PFKFB3: variants seen among roughly 807,000 people sequenced by gnomAD.
PFKFB3 encodes the protein 6-phosphofructo-2-kinase/fructose-2,6-bisphosphatase 3.
PFKFB3 carries 33 observed loss-of-function variants against 68.0 expected under a neutral mutation model. The observed-to-expected ratio is 0.49, with a 90% confidence interval of 0.37 to 0.65. PFKFB3 has a LOEUF of 0.65. Ranked by LOEUF, PFKFB3 falls within the 30% of genes least tolerant of loss-of-function variation. The pLI, the probability that PFKFB3 is intolerant of heterozygous loss-of-function variation, is 0.00. For synonymous variants in PFKFB3, 315 were observed against 288.2 expected (o/e 1.09, Z -0.94); for missense variants, 586 against 712.2 (o/e 0.82, Z 2.02).
chr10:6,243,784 C>T (rs532109610), intron 14 of PFKFB3, among the ~76,000 whole-genome samples: 5 of 152,296 alleles, frequency 3.3e-5, no homozygotes, highest in African/African-American at 4.8e-5. Context: ...AGTGCAGTGG[C>T]ACGATTATAG....
intron 1 of PFKFB3, among the ~76,000 whole-genome samples, chr10:6,179,715 G>A (rs984817811): frequency 3.9e-5 from 6 of 152,164 alleles, no homozygotes; most frequent in Non-Finnish European, 5.9e-5. Flanking sequence ...CCAAGGCTGC[G>A]GCAGCTCAGA....
rs1844512079 is a variant in PFKFB3 at position 6,215,452 on chromosome 10, TGC to T, written c.299+137_299+138del. 3 of 700,234 alleles carry T rather than the reference TGC, an allele frequency of 4.3e-6. No individual in the cohort carries two copies. In the African/African-American group the frequency reaches 5.7e-5, roughly 13 times the overall value. 43.4% of individuals were successfully genotyped at this position (700,234 alleles called of 1,614,324 possible). On this transcript the variant is annotated intron_variant, in intron 3 of 14. Transcript: ENST00000379775. This position sits in a 1 kb window ranked among gnomAD's most constrained non-coding sequence, Gnocchi z 4.3. ...TGGGAATAAGGCTGGGCTGCGGGGC[TGC>T]GGGTGTAAGGCTGGGCTGCGGGCTT...
chr10:6,291,945 GTT>G, the PFKFB3 span, among the ~76,000 whole-genome samples: 569 of 94,324 alleles, frequency 6.0e-3, no homozygotes, highest in African/African-American at 0.023. Context: ...GAAACCAGTG[GTT>G]TTTTTTTTTT....
At chr10:6,221,894 A>G in intron 10 of PFKFB3, 149 bp downstream of exon 10, 1 of 609,778 alleles carries the variant, frequency 1.6e-6, no homozygotes, top group Non-Finnish European at 2.9e-6. Context: ...CCCAAACTGA[A>G]CCTTCTAACA....
chr10:6,297,032 C>A, the PFKFB3 span, among the ~76,000 whole-genome samples: 1 of 152,322 alleles, frequency 6.6e-6, no homozygotes, highest in South Asian at 2.1e-4. Flanking sequence ...TGTGTATGAC[C>A]AACCATGCTG....
At chr10:6,223,860 A>G in intron 11 of PFKFB3, 98 bp from the exon 12 acceptor site, 1 of 1,015,942 alleles carries the variant, frequency 9.8e-7, no homozygotes, top group Admixed American at 1.7e-5. Context: ...CAGGTGATCC[A>G]CCTGCCTCGG....
chr10:6,295,996 T>C, the PFKFB3 span, among the ~76,000 whole-genome samples: 2 of 152,198 alleles, frequency 1.3e-5, no homozygotes, highest in East Asian at 1.9e-4. Flanking sequence ...ACAACAGATA[T>C]TGGCTCCAGC....
At chr10:6,306,270 G>A in the PFKFB3 span, among the ~76,000 whole-genome samples, 1 of 152,178 alleles carries the variant, frequency 6.6e-6, no homozygotes, top group Non-Finnish European at 1.5e-5. Flanking sequence ...ATGATTCTAG[G>A]CTTTGTCTCC....
chr10:6,236,369 GCCCTGGAGTGGTT>G (rs1846012343), downstream of PFKFB3, among the ~76,000 whole-genome samples: 1 of 152,240 alleles, frequency 6.6e-6, no homozygotes, highest in African/African-American at 2.4e-5. Context: ...CGTGGAGGAA[GCCCTGGAGTGGTT>G]CCTTCTGCAG....
At chr10:6,322,779 C>T in the PFKFB3 span, among the ~76,000 whole-genome samples, 1,022 of 152,324 alleles carry the variant, frequency 6.7e-3, 18 homozygotes, top group African/African-American at 0.023. Flanking sequence ...GCTTGAGTGT[C>T]GTCTGAAAGA....
chr10:6,228,296 A>G lies in PFKFB3; in HGVS notation c.1515+1931A>G. The G allele has an allele frequency of 6.5e-7, 1 of 1,528,080 alleles. No individual in the cohort carries two copies. The highest frequency in any genetic ancestry group is 1.7e-5 in the Admixed American group (1 of 59,850). The allele number at this position is 1,528,080 out of a possible 1,614,324, so 94.7% of individuals were successfully genotyped here. On this transcript the variant is annotated intron_variant, in intron 14 of 14. Coordinates refer to ENST00000379775, the MANE Select transcript of PFKFB3 (RefSeq NM_004566.4). The surrounding 1 kb of genome is among the most constrained non-coding windows in gnomAD (Gnocchi z 4.5). ...CTCATTTGGCCTCCTGCCTGTTAAA[A>G]TATTGAGGATGAGAGCAGTTTTGTG...
rs1843450069 is a variant in PFKFB3, at chr10:6,203,199, G to A, written c.-62G>A. 1.3e-6 allele frequency: 2 copies of A among 1,579,362 alleles called. No homozygotes were observed. The highest frequency in any genetic ancestry group is 1.4e-5 in the African/African-American group (1 of 73,616). On this transcript the variant is annotated 5_prime_UTR_variant, in exon 1 of 15. Transcript: ENST00000379775. The stretch of plus-strand genomic sequence containing the variant: ...TCCTTTGTTCCGGGGGTCGGCGGCC[G>A]CTCTCCTGCCAGCGTCGGGATCTCG...
upstream of PFKFB3, among the ~76,000 whole-genome samples, chr10:6,199,333 T>C (rs1258181294): frequency 6.6e-6 from 1 of 152,062 alleles, no homozygotes; most frequent in Non-Finnish European, 1.5e-5. Context: ...TACAGCAGCA[T>C]TTGGAAGCAC....
At chr10:6,277,825 T>G in the PFKFB3 span, 1 of 363,680 alleles carries the variant, frequency 2.7e-6, no homozygotes, top group Non-Finnish European at 5.6e-6. Flanking sequence ...TTTATAGCAG[T>G]GTGAGAATGG....
chr10:6,210,560 A>ATGTTGGCC lies in PFKFB3; in HGVS notation c.77-3059_77-3058insGGCCTGTT, dbSNP rs1213786297. Among the ~76,000 whole-genome samples, 2 of 80,858 alleles carry ATGTTGGCC rather than the reference A, an allele frequency of 2.5e-5. 1 individual carries two copies. Among genetic ancestry groups the ATGTTGGCC allele is most frequent in the East Asian group, 5.1e-4 (2 of 3,884 alleles). The allele number at this position is 80,858 out of a possible 152,430, so 53.0% of individuals were successfully genotyped here. A position where few individuals can be genotyped will look rare whatever the true frequency, so the allele number is the denominator to read the frequency against. ...TGTTTTTAATAGACGGGGTTTCGCC[A>ATGTTGGCC]TGTTAGCCAGGATAGTCTTGATAGT... On this transcript the variant is annotated intron_variant, in intron 1 of 14. Coordinates refer to ENST00000379775, the MANE Select transcript of PFKFB3 (RefSeq NM_004566.4).
intron 1 of PFKFB3, among the ~76,000 whole-genome samples, chr10:6,192,665 G>A (rs3084085): frequency 0.012 from 73 of 6,090 alleles, no homozygotes; most frequent in African/African-American, 0.04. Flanking sequence ...CCCCTCACCC[G>A]TGTGTGTGTG....
chr10:6,231,336 CCTCTG>C, intron 14 of PFKFB3: 1 of 1,612,246 alleles, frequency 6.2e-7, no homozygotes, highest in Non-Finnish European at 8.5e-7. Context: ...GGTGCATGTC[CCTCTG>C]TCCCGCACCG....
chr10:6,249,462 A>G (rs936547102), intron 14 of PFKFB3, among the ~76,000 whole-genome samples: 1 of 152,218 alleles, frequency 6.6e-6, no homozygotes, highest in African/African-American at 2.4e-5. Context: ...GCAACATATG[A>G]ATGGATAAAG....
intron 1 of PFKFB3, among the ~76,000 whole-genome samples, chr10:6,168,735 C>T (rs943447124): frequency 6.6e-6 from 1 of 152,158 alleles, no homozygotes; most frequent in African/African-American, 2.4e-5. Context: ...GCTGCCCACT[C>T]GCAGGTGCCG....
Sources: gnomAD v4.1 joint callset for allele counts (sites outside exome capture counted in the v4.1 genomes callset) on GRCh38, gnomAD v4.1.1 for gene constraint, Gnocchi (gnomAD v3.1) non-coding constraint, MANE v1.5 for transcripts, NCBI Gene and HGNC (gene_info 2026-07-23, HGNC 2026-07-21) for gene names.